GNA12: variants seen among roughly 807,000 people sequenced by gnomAD.
GNA12 encodes the protein G protein subunit alpha 12, also known as guanine nucleotide-binding protein subunit alpha-12.
In GNA12, 9 loss-of-function variants were observed where a neutral mutation model predicts 26.0. That is an observed-to-expected ratio of 0.35 (90% CI 0.21 to 0.60). The LOEUF is 0.60. Among genes scored for constraint, GNA12 ranks in the 20% least tolerant of loss-of-function variants. The probability of loss-of-function intolerance (pLI) is 0.78; values close to 1 mark genes in which losing one functional copy is unlikely to be tolerated. For missense variants in GNA12, 405 were observed against 525.8 expected (o/e 0.77, Z 2.25); for synonymous variants, 264 against 219.6 (o/e 1.20, Z -1.79).
rs560037195 is a variant in GNA12, at chr7:2,820,180, G to GA, written c.309+23672dup. ...AAAAGGCAAATCAACAGCGTCGAGA[G>GA]AAATCCACGGTGTCGAAAGTGGGCT... is the stretch of plus-strand genomic sequence containing the variant. On this transcript the variant is annotated intron_variant, in intron 1 of 3. Transcript: ENST00000275364. 1.2e-4 allele frequency among the ~76,000 whole-genome samples: 19 copies of GA among 152,320 alleles called. No individual in the cohort carries two copies. In the East Asian group the frequency reaches 3.7e-3, roughly 29 times the overall value.
chr7:2,827,199 G>C (rs574474125), intron 1 of GNA12, among the ~76,000 whole-genome samples: 5 of 152,286 alleles, frequency 3.3e-5, no homozygotes, highest in African/African-American at 1.2e-4. Flanking sequence ...CATGGAGACA[G>C]AAAACAGATT....
intron 1 of GNA12, among the ~76,000 whole-genome samples, chr7:2,798,304 ACTC>A (rs1272336607): frequency 1.3e-5 from 2 of 152,130 alleles, no homozygotes; most frequent in Non-Finnish European, 2.9e-5. Context: ...TACCAAAAAA[ACTC>A]CTAGAATAAA....
chr7:2,836,448 T>C (rs1368569515), intron 1 of GNA12, among the ~76,000 whole-genome samples: 1 of 152,124 alleles, frequency 6.6e-6, no homozygotes, highest in African/African-American at 2.4e-5. Context: ...GGCAGTGAGT[T>C]CTCTGGGTGT....
chr7:2,793,565 C>A (rs1002696513), intron 2 of GNA12, among the ~76,000 whole-genome samples: 1 of 152,026 alleles, frequency 6.6e-6, no homozygotes, highest in Non-Finnish European at 1.5e-5. Flanking sequence ...ATAAAAATTA[C>A]TCTGCAGGAA....
intron 1 of GNA12, 92 bp from the exon 2 acceptor site, chr7:2,795,235 C>G: frequency 1.1e-6 from 1 of 918,168 alleles, no homozygotes. Flanking sequence ...ATTGTCATAA[C>G]GCAGAAAACT....
chr7:2,801,425 C>CT (rs1453871786), intron 1 of GNA12, among the ~76,000 whole-genome samples: 2 of 152,186 alleles, frequency 1.3e-5, no homozygotes, highest in African/African-American at 2.4e-5. Flanking sequence ...CACACCAGGC[C>CT]TTCCCCAACT....
At chr7:2,752,311 A>G (rs1288761100) in intron 2 of GNA12, among the ~76,000 whole-genome samples, 1 of 152,228 alleles carries the variant, frequency 6.6e-6, no homozygotes, top group East Asian at 1.9e-4. Context: ...AAGGGCATCT[A>G]TGAAAACCAT....
intron 1 of GNA12, among the ~76,000 whole-genome samples, chr7:2,821,610 A>T (rs1793372292): frequency 6.6e-6 from 1 of 152,196 alleles, no homozygotes; most frequent in South Asian, 2.1e-4. Flanking sequence ...TGCCCTATGG[A>T]CAAGAGAAAC....
intron 2 of GNA12, among the ~76,000 whole-genome samples, chr7:2,736,889 C>T (rs193066573): frequency 3.3e-5 from 5 of 152,340 alleles, no homozygotes; most frequent in African/African-American, 1.2e-4. Context: ...TAATTTAGGA[C>T]CACGAGAAAA....
At chr7:2,737,274 G>GTT (rs1041056812) in intron 2 of GNA12, among the ~76,000 whole-genome samples, 678 of 34,958 alleles carry the variant, frequency 0.019, 58 homozygotes, top group East Asian at 0.041. Context: ...GTTTTGTTTT[G>GTT]TTTTTTTTTT....
intron 2 of GNA12, among the ~76,000 whole-genome samples, chr7:2,783,178 C>T (rs1220102991): frequency 6.6e-6 from 1 of 152,104 alleles, no homozygotes; most frequent in Non-Finnish European, 1.5e-5. Context: ...ATGCCCCTGC[C>T]CCTAAGAAAC....
chr7:2,824,626 C>T (rs997801527), intron 1 of GNA12, among the ~76,000 whole-genome samples: 2 of 152,184 alleles, frequency 1.3e-5, no homozygotes, highest in Non-Finnish European at 2.9e-5. Flanking sequence ...GTATCCCGGG[C>T]ACTTGATATA....
At chr7:2,814,350 G>T in intron 1 of GNA12, 1 of 1,604,456 alleles carries the variant, frequency 6.2e-7, no homozygotes, top group Non-Finnish European at 8.5e-7. Context: ...TGCTCAAAAC[G>T]GCAGCACTTT....
chr7:2,782,573 C>T (rs1050125347), intron 2 of GNA12, among the ~76,000 whole-genome samples: 6 of 152,116 alleles, frequency 3.9e-5, no homozygotes, highest in East Asian at 1.9e-4. Context: ...TGAAAGTTCA[C>T]GTCTACCTTT....
chr7:2,788,267 C>T (rs79932907), intron 2 of GNA12, among the ~76,000 whole-genome samples: 2 of 152,292 alleles, frequency 1.3e-5, no homozygotes, highest in South Asian at 2.1e-4. Context: ...AGCTCCTCCC[C>T]GGGACAGTTT....
In GNA12 at chr7:2,731,985, G is replaced by C. The variant is rs925779800; in HGVS notation, c.577-235C>G. On this transcript the variant is annotated intron_variant, in intron 3 of 3. Transcript: ENST00000275364. This position sits in a 1 kb window ranked among gnomAD's most constrained non-coding sequence, Gnocchi z 6.0. ...TCACCAGTCTGAGGACGAATGCTCA[G>C]AACACTCGTGGGCAGGCCCAGCGCA... Among the ~76,000 whole-genome samples the C allele has an allele frequency of 6.6e-6, 1 of 152,186 alleles. No homozygotes were observed. Among genetic ancestry groups the C allele is most frequent in the Non-Finnish European group, 1.5e-5 (1 of 68,028 alleles).
At chr7:2,800,305 AT>A (rs1274265047) in intron 1 of GNA12, among the ~76,000 whole-genome samples, 1 of 152,228 alleles carries the variant, frequency 6.6e-6, no homozygotes, top group Non-Finnish European at 1.5e-5. Flanking sequence ...CAAGAGATTC[AT>A]GGTTGCCAGG....
chr7:2,795,637 A>G (rs928999567), intron 1 of GNA12, among the ~76,000 whole-genome samples: 1 of 151,198 alleles, frequency 6.6e-6, no homozygotes, highest in Non-Finnish European at 1.5e-5. Context: ...CAAAAAAAAA[A>G]AAAGAAAAGA....
intron 2 of GNA12, among the ~76,000 whole-genome samples, chr7:2,736,014 C>T (rs1790154342): frequency 1.3e-5 from 2 of 152,200 alleles, no homozygotes; most frequent in Admixed American, 1.3e-4. Flanking sequence ...CTGGACAATG[C>T]ACCTGCTGAT....
Sources: gnomAD v4.1 joint callset for allele counts (sites outside exome capture counted in the v4.1 genomes callset) on GRCh38, gnomAD v4.1.1 for gene constraint, Gnocchi (gnomAD v3.1) non-coding constraint, MANE v1.5 for transcripts, NCBI Gene and HGNC (gene_info 2026-07-23, HGNC 2026-07-21) for gene names.